Variants in VWA3B observed in about 807,000 individuals in gnomAD.
VWA3B encodes the protein von Willebrand factor A domain-containing protein 3B.
A neutral mutation model predicts 158.3 loss-of-function variants in VWA3B; 138 were observed. That is an observed-to-expected ratio of 0.87 (90% CI 0.76 to 1.00). The LOEUF (loss-of-function observed/expected upper bound fraction) is 1.00, where lower values mean the gene tolerates loss of function less well. Among genes scored for constraint, VWA3B ranks in the 50% least tolerant of loss-of-function variants. The pLI, the probability that VWA3B is intolerant of heterozygous loss-of-function variation, is 0.00. For missense variants in VWA3B, 1,555 were observed against 1,565.1 expected, an observed-to-expected ratio of 0.99 and a Z score of 0.11; for synonymous variants, 596 against 587.3, an observed-to-expected ratio of 1.01 and a Z score of -0.21.
At chr2:98,267,830 A>C (rs1346398742) in intron 21 of VWA3B, among the ~76,000 whole-genome samples, 1 of 152,160 alleles carries the variant, frequency 6.6e-6, no homozygotes, top group Non-Finnish European at 1.5e-5. Context: ...AGAATCAAAT[A>C]GATGCAATAA....
At chr2:98,134,211 C>T (rs558280095) in intron 7 of VWA3B, among the ~76,000 whole-genome samples, 2 of 152,268 alleles carry the variant, frequency 1.3e-5, no homozygotes, top group East Asian at 1.9e-4. Flanking sequence ...CTGTCAATGC[C>T]GGAGTTAGTT....
At chr2:98,272,405 G>A (rs1420449915) in intron 22 of VWA3B, among the ~76,000 whole-genome samples, 1 of 152,186 alleles carries the variant, frequency 6.6e-6, no homozygotes, top group Non-Finnish European at 1.5e-5. Context: ...GCTCTCCCTG[G>A]GTGGGCCACC....
At chr2:98,111,469 C>T (rs1674127927) in intron 2 of VWA3B, among the ~76,000 whole-genome samples, 1 of 152,142 alleles carries the variant, frequency 6.6e-6, no homozygotes, top group Admixed American at 6.5e-5. Context: ...TTAAAGAAAT[C>T]TCCATCCTGT....
chr2:98,192,533 TG>T (rs1558657159), intron 10 of VWA3B, among the ~76,000 whole-genome samples: 1 of 152,172 alleles, frequency 6.6e-6, no homozygotes, highest in African/African-American at 2.4e-5. Flanking sequence ...TCACTTCTTT[TG>T]TGGTGGAATG....
At chr2:98,102,278 C>A (rs1002748878) in intron 2 of VWA3B, among the ~76,000 whole-genome samples, 3 of 152,238 alleles carry the variant, frequency 2.0e-5, no homozygotes, top group African/African-American at 7.2e-5. Context: ...CTTCTTTCTA[C>A]ACAGACACAG....
At chr2:98,236,919 T>A in intron 19 of VWA3B, 189 bp downstream of exon 19, 2 of 710,116 alleles carry the variant, frequency 2.8e-6, no homozygotes, top group Non-Finnish European at 4.4e-6. Flanking sequence ...CGCATGCCTG[T>A]AACCCCAGCA....
At chr2:98,210,676 G>A (rs1203964878) in intron 12 of VWA3B, among the ~76,000 whole-genome samples, 1 of 152,170 alleles carries the variant, frequency 6.6e-6, no homozygotes, top group South Asian at 2.1e-4. Context: ...CTTGGGTGGG[G>A]TGGGGGCTGG....
intron 22 of VWA3B, among the ~76,000 whole-genome samples, chr2:98,274,399 C>T (rs1688395815): frequency 6.6e-6 from 1 of 152,126 alleles, no homozygotes; most frequent in Non-Finnish European, 1.5e-5. Context: ...AGAGGCACCC[C>T]CAGAGAACAA....
Position 98,125,257 on chromosome 2 carries a change from G to A in VWA3B, c.703-2982G>A, listed in dbSNP as rs971042072. Among the ~76,000 whole-genome samples, 3 of 152,186 alleles carry A rather than the reference G, an allele frequency of 2.0e-5. No homozygotes were observed. The highest frequency in any genetic ancestry group is 7.2e-5 in the African/African-American group (3 of 41,456). ...GGAGCCTGAACCCTTGGATGGTGGG[G>A]TAACCACAGAAGTGAAAAAAGTGAC... On this transcript the variant is annotated intron_variant, in intron 5 of 27. Coordinates refer to ENST00000477737, the MANE Select transcript of VWA3B (RefSeq NM_144992.5). This position sits in a 1 kb window ranked among gnomAD's most constrained non-coding sequence, Gnocchi z 4.1.
intron 13 of VWA3B, among the ~76,000 whole-genome samples, 185 bp from the exon 14 acceptor site, chr2:98,217,661 T>G (rs886433675): frequency 2.0e-5 from 3 of 152,208 alleles, no homozygotes; most frequent in Non-Finnish European, 4.4e-5. Context: ...ATCATTGTAC[T>G]CTCACCATCT....
At chr2:98,116,841 G>A (rs756373546) in intron 3 of VWA3B, among the ~76,000 whole-genome samples, 3 of 151,998 alleles carry the variant, frequency 2.0e-5, no homozygotes, top group Non-Finnish European at 4.4e-5. Flanking sequence ...CTTTATTTTT[G>A]TCTGCCTACA....
At chr2:98,308,551 CCAGGG>C (rs527746768) in intron 26 of VWA3B, among the ~76,000 whole-genome samples, 82 of 152,362 alleles carry the variant, frequency 5.4e-4, no homozygotes, top group African/African-American at 1.9e-3. Context: ...TCTCTCCTTG[CCAGGG>C]CAGGGGACTC....
intron 9 of VWA3B, among the ~76,000 whole-genome samples, chr2:98,186,379 G>A (rs566535272): frequency 1.3e-5 from 2 of 151,910 alleles, no homozygotes; most frequent in East Asian, 3.9e-4. Context: ...GCCGGCCGGC[G>A]CCTTCAAAAT....
At chr2:98,089,541 C>T (rs6705096) in intron 1 of VWA3B, among the ~76,000 whole-genome samples, 71,244 of 151,282 alleles carry the variant, frequency 0.47, 17,755 homozygotes, top group African/African-American at 0.61. Flanking sequence ...GGGGCTACGT[C>T]CCGGCTCGCA....
At chr2:98,188,161 T>C (rs764460008) in intron 10 of VWA3B, 32 bp downstream of exon 10, 1 of 1,596,342 alleles carries the variant, frequency 6.3e-7, no homozygotes. Flanking sequence ...TTACAAGTGG[T>C]CTCCTCGCTC....
At chr2:98,139,107 G>A (rs1458185223) in intron 7 of VWA3B, among the ~76,000 whole-genome samples, 2 of 152,202 alleles carry the variant, frequency 1.3e-5, no homozygotes, top group Non-Finnish European at 1.5e-5. Flanking sequence ...GCAGCCGGCC[G>A]GCCCTGCCGG....
intron 12 of VWA3B, among the ~76,000 whole-genome samples, chr2:98,201,059 T>C (rs2105473314): frequency 6.6e-6 from 1 of 152,332 alleles, no homozygotes; most frequent in Non-Finnish European, 1.5e-5. Context: ...TCAGCCAACC[T>C]GAATCCTCTA....
intron 7 of VWA3B, among the ~76,000 whole-genome samples, chr2:98,155,039 A>G (rs1677941331): frequency 6.6e-6 from 1 of 152,204 alleles, no homozygotes; most frequent in East Asian, 1.9e-4. Context: ...TCTGTCCTCA[A>G]GGAAGTCACG....
chr2:98,138,585 T>A (rs1244162620), intron 7 of VWA3B, among the ~76,000 whole-genome samples: 3 of 152,180 alleles, frequency 2.0e-5, no homozygotes, highest in Non-Finnish European at 4.4e-5. Context: ...GCGGATCTCA[T>A]AATATTCATG....
Sources: allele counts gnomAD v4.1 joint callset (sites outside exome capture counted in the v4.1 genomes callset), GRCh38; gene constraint gnomAD v4.1.1; non-coding constraint Gnocchi (gnomAD v3.1); transcripts MANE v1.5; gene names NCBI Gene and HGNC (gene_info 2026-07-23, HGNC 2026-07-21).